COBLL1: variants seen among roughly 807,000 people sequenced by gnomAD.
COBLL1 encodes cordon-bleu protein-like 1.
In COBLL1, 50 loss-of-function variants were observed where a neutral mutation model predicts 94.8. The ratio of observed to expected loss-of-function variants is 0.53; its 90% CI spans 0.42 to 0.67. COBLL1 has a LOEUF of 0.67. Among genes scored for constraint, COBLL1 ranks in the 30% least tolerant of loss-of-function variants. COBLL1 has a pLI of 0.00. For missense variants in COBLL1, 1,362 were observed against 1,348.7 expected, an observed-to-expected ratio of 1.01 and a Z score of -0.15; for synonymous variants, 448 against 473.8, an observed-to-expected ratio of 0.95 and a Z score of 0.71.
chr2:164,834,420 T>G (rs1683228042), intron 2 of COBLL1, among the ~76,000 whole-genome samples: 1 of 152,188 alleles, frequency 6.6e-6, no homozygotes, highest in African/African-American at 2.4e-5. Context: ...GTCTAGTCTT[T>G]ACTTGAAAAA....
At chr2:164,801,444 A>C (rs1683793058) in intron 2 of COBLL1, among the ~76,000 whole-genome samples, 3 of 88,818 alleles carry the variant, frequency 3.4e-5, no homozygotes, top group African/African-American at 1.8e-4. Flanking sequence ...GTCTCAAAAA[A>C]AAAAAAAAAA....
At chr2:164,789,905 C>T (rs1426530952) in intron 2 of COBLL1, among the ~76,000 whole-genome samples, 1 of 152,174 alleles carries the variant, frequency 6.6e-6, no homozygotes, top group African/African-American at 2.4e-5. Context: ...TGATTACGAA[C>T]ACGTGAATAC....
At position 164,665,344 on chromosome 2, in the gene COBLL1, AAGAAAG is replaced by A. The variant is rs1558901880; in HGVS notation, n.181+497_181+502del. Among the ~76,000 whole-genome samples the A allele has an allele frequency of 1.6e-4, 24 of 147,270 alleles. 2 individuals are homozygous for A. Among genetic ancestry groups the A allele is most frequent in the South Asian group, 4.2e-4 (2 of 4,732 alleles). On this transcript the variant is annotated intron_variant and non_coding_transcript_variant, in intron 2 of 2. Transcript: ENST00000495084. ...AGATTCTGTGTCAAAAAAAAAAAGA[AAGAAAG>A]AAAGAAAGAAAGAAAGAATGAATAG... is the stretch of plus-strand genomic sequence containing the variant.
chr2:164,688,902 G>A (rs1051677662), intron 13 of COBLL1, among the ~76,000 whole-genome samples: 4 of 151,934 alleles, frequency 2.6e-5, no homozygotes, highest in African/African-American at 9.7e-5. Context: ...TTGTAATAGG[G>A]TAATAACTTG....
At chr2:164,730,252 G>A (rs935144180) in intron 3 of COBLL1, 137 bp from the exon 4 acceptor site, 17 of 752,240 alleles carry the variant, frequency 2.3e-5, no homozygotes, top group Admixed American at 7.3e-5. Context: ...TCAAGCTACA[G>A]GCCAAGGCAG....
At chr2:164,742,873 G>A (rs1361705122) in intron 3 of COBLL1, among the ~76,000 whole-genome samples, 3 of 151,832 alleles carry the variant, frequency 2.0e-5, no homozygotes, top group East Asian at 1.9e-4. Context: ...GAGAGAGAGC[G>A]AGCGAGCGAG....
chr2:164,687,426 G>T, intron 13 of COBLL1: 2 of 1,023,644 alleles, frequency 2.0e-6, no homozygotes, highest in Non-Finnish European at 1.5e-6. Context: ...TCTTTGAGAA[G>T]TGGATCGTCT....
intron 11 of COBLL1, chr2:164,698,197 T>C (rs1267595154): frequency 6.6e-6 from 1 of 151,922 alleles, no homozygotes; most frequent in Non-Finnish European, 1.5e-5. Flanking sequence ...TAAATCATAA[T>C]TTCTCAATAG....
chr2:164,695,189 T>C lies in COBLL1; in HGVS notation c.2203A>G (p.Lys735Glu), dbSNP rs919369972. 2.9e-5 allele frequency: 47 copies of C among 1,613,840 alleles called. No individual in the cohort carries two copies. Among genetic ancestry groups the C allele is most frequent in the Non-Finnish European group, 3.8e-5 (45 of 1,179,912 alleles). Reference sequence around the variant, plus strand: ...TCCAAGGATTTGGGAGGCACTATTTTATAAGTAGTCATGCCAATTTTGGGT... The same window carrying C: ...TCCAAGGATTTGGGAGGCACTATTTCATAAGTAGTCATGCCAATTTTGGGT... ...YIPKIGMTTY[K>E]IVPPKSLEIS... Residue 735 changes from lysine (K) to glutamate (E), a missense_variant, in exon 12 of 14, where the codon AAA becomes GAA. Lys to Glu is a moderately conservative substitution (Grantham distance 56, BLOSUM62 1). Coordinates refer to ENST00000652658, the MANE Select transcript of COBLL1 (RefSeq NM_001365672.2).
At chr2:164,775,375 A>G (rs1456978590) in intron 2 of COBLL1, among the ~76,000 whole-genome samples, 1 of 152,110 alleles carries the variant, frequency 6.6e-6, no homozygotes, top group Non-Finnish European at 1.5e-5. Flanking sequence ...GATGTTGCCA[A>G]TCCTGAAATC....
At chr2:164,710,355 A>G (rs1027878071) in intron 7 of COBLL1, among the ~76,000 whole-genome samples, 3 of 152,162 alleles carry the variant, frequency 2.0e-5, no homozygotes, top group Non-Finnish European at 4.4e-5. Context: ...ACATGTATAC[A>G]CTGGGATTTA....
In COBLL1 at chr2:164,700,721, C is replaced by G. The variant is rs774885254; in HGVS notation, c.1261G>C (p.Asp421His). 4 of 1,611,918 alleles carry G rather than the reference C, an allele frequency of 2.5e-6. No homozygotes were observed. The highest frequency in any genetic ancestry group is 3.4e-6 in the Non-Finnish European group (4 of 1,178,146). Residue 421 changes from aspartate (D) to histidine (H), a missense_variant, in exon 10 of 14, where the codon GAT (aspartate) becomes CAT (histidine). Physicochemically the swap from Asp to His is moderately conservative, Grantham distance 81. Transcript: ENST00000652658. ...ISSDYSLEEI[D>H]EKEELSEVPK... ...ACTTCACTCAGTTCTTCCTTTTCAT[C>G]TATCTCTTCAAGGCTATAATCAGAG...
downstream of COBLL1, among the ~76,000 whole-genome samples, chr2:164,675,497 A>T (rs1173066210): frequency 6.6e-6 from 1 of 152,186 alleles, no homozygotes; most frequent in East Asian, 1.9e-4. Context: ...ACAAGAATTT[A>T]AAAAAGAAAA....
chr2:164,687,238 T>A, intron 13 of COBLL1: 1 of 360,762 alleles, frequency 2.8e-6, no homozygotes. Context: ...GGAGAGGAAG[T>A]AGAATTTATT....
chr2:164,837,893 G>A (rs535650238), intron 2 of COBLL1, among the ~76,000 whole-genome samples: 1 of 152,120 alleles, frequency 6.6e-6, no homozygotes, highest in African/African-American at 2.4e-5. Context: ...CTAAGAAAGT[G>A]ATCTAAAGCC....
intron 1 of COBLL1, among the ~76,000 whole-genome samples, chr2:164,667,237 G>A (rs1691174429): frequency 6.6e-6 from 1 of 152,028 alleles, no homozygotes; most frequent in Non-Finnish European, 1.5e-5. Context: ...AAAATATTCA[G>A]TAATCCGTGC....
At chr2:164,810,653 T>C (rs1030741101) in intron 2 of COBLL1, among the ~76,000 whole-genome samples, 1 of 151,684 alleles carries the variant, frequency 6.6e-6, no homozygotes, top group African/African-American at 2.4e-5. Flanking sequence ...TCACTAAAGC[T>C]CAAAATTTTT....
intron 2 of COBLL1, among the ~76,000 whole-genome samples, chr2:164,750,190 A>G (rs1236458950): frequency 6.6e-6 from 1 of 152,204 alleles, no homozygotes; most frequent in Non-Finnish European, 1.5e-5. Context: ...TATTCCCAAC[A>G]ATCTCATGGT....
chr2:164,815,918 A>T (rs1371976272), intron 2 of COBLL1, among the ~76,000 whole-genome samples: 4 of 152,102 alleles, frequency 2.6e-5, no homozygotes, highest in Non-Finnish European at 5.9e-5. Flanking sequence ...AATTTCTTAG[A>T]CCATCGAAAT....
Sources: gnomAD v4.1 joint callset for allele counts (sites outside exome capture counted in the v4.1 genomes callset) on GRCh38, gnomAD v4.1.1 for gene constraint, MANE v1.5 for transcripts, NCBI Gene and HGNC (gene_info 2026-07-23, HGNC 2026-07-21) for gene names.